ANKS1B: variants seen among roughly 807,000 people sequenced by gnomAD.
ANKS1B encodes ankyrin repeat and sterile alpha motif domain containing 1B.
In ANKS1B, 36 loss-of-function variants were observed where a neutral mutation model predicts 148.3. The observed-to-expected ratio is 0.24, with a 90% CI of 0.19 to 0.32. The LOEUF is 0.32. Ranked by LOEUF, ANKS1B falls within the 10% of genes least tolerant of loss-of-function variation. The probability of loss-of-function intolerance (pLI) is 1.00; values close to 1 mark genes in which losing one functional copy is unlikely to be tolerated. For synonymous variants in ANKS1B, 542 were observed against 560.8 expected, an observed-to-expected ratio of 0.97 and a Z score of 0.47; for missense variants, 1,157 against 1,542.6, an observed-to-expected ratio of 0.75 and a Z score of 4.19.
intron 1 of ANKS1B, among the ~76,000 whole-genome samples, chr12:99,881,008 G>T (rs1180831322): frequency 6.6e-6 from 1 of 152,220 alleles, no homozygotes. Context: ...ACAGCTATTT[G>T]AGGGCTCCAA....
intron 8 of ANKS1B, among the ~76,000 whole-genome samples, chr12:99,748,711 A>C (rs888776570): frequency 6.6e-6 from 1 of 152,116 alleles, no homozygotes; most frequent in Non-Finnish European, 1.5e-5. Flanking sequence ...CTCTGAAGAA[A>C]GATAAAACAG....
chr12:98,829,684 C>T lies in ANKS1B; in HGVS notation c.2887-331G>A, dbSNP rs2099278596. Among the ~76,000 whole-genome samples, 2 of 152,174 alleles carry T rather than the reference C, an allele frequency of 1.3e-5. No homozygotes were observed. Among genetic ancestry groups the T allele is most frequent in the Non-Finnish European group, 2.9e-5 (2 of 68,036 alleles). On this transcript the variant is annotated intron_variant, in intron 18 of 26. Transcript: ENST00000683438. This position sits in a 1 kb window ranked among gnomAD's most constrained non-coding sequence, Gnocchi z 5.2. ...GTTTACAGGGGAGGAACTGGGCCCT[C>T]ATGTGGGCAGAGCGTCCTCACCATG...
intron 1 of ANKS1B, among the ~76,000 whole-genome samples, chr12:99,944,395 T>C (rs2095002096): frequency 6.6e-6 from 1 of 152,170 alleles, no homozygotes; most frequent in African/African-American, 2.4e-5. Context: ...CCAGTGGCCC[T>C]TGGCCGTCAG....
chr12:99,141,555 A>G (rs1370856962), intron 15 of ANKS1B, among the ~76,000 whole-genome samples: 1 of 151,554 alleles, frequency 6.6e-6, no homozygotes, highest in African/African-American at 2.4e-5. Context: ...TACCTTAACT[A>G]TTCTTCCTGA....
chr12:98,816,877 G>A (rs1441023068), intron 19 of ANKS1B, among the ~76,000 whole-genome samples: 1 of 151,958 alleles, frequency 6.6e-6, no homozygotes, highest in Non-Finnish European at 1.5e-5. Flanking sequence ...ATTAAGCTCT[G>A]GAAAGCTTCT....
At chr12:99,444,725 TAA>T (rs1270633128) in intron 10 of ANKS1B, among the ~76,000 whole-genome samples, 1 of 151,922 alleles carries the variant, frequency 6.6e-6, no homozygotes, top group Non-Finnish European at 1.5e-5. Context: ...AAATAAAAAA[TAA>T]AAAGTTTACT....
chr12:99,690,001 C>T (rs2888436), intron 8 of ANKS1B, among the ~76,000 whole-genome samples: 6,928 of 152,116 alleles, frequency 0.046, 221 homozygotes, highest in Middle Eastern at 0.082. Context: ...CTCACAGTTC[C>T]CCATTGCTAG....
chr12:99,329,524 C>T (rs1273530710), intron 12 of ANKS1B, among the ~76,000 whole-genome samples: 1 of 151,764 alleles, frequency 6.6e-6, no homozygotes, highest in Admixed American at 6.6e-5. Context: ...AAGCCATTTT[C>T]CAGAAAGATC....
intron 8 of ANKS1B, among the ~76,000 whole-genome samples, chr12:99,746,471 C>T (rs905731352): frequency 2.0e-5 from 3 of 152,036 alleles, no homozygotes; most frequent in African/African-American, 7.2e-5. Context: ...AGTCATTTTC[C>T]CTCAAATATT....
At chr12:99,943,715 G>A (rs967176473) in intron 1 of ANKS1B, among the ~76,000 whole-genome samples, 3 of 151,856 alleles carry the variant, frequency 2.0e-5, no homozygotes. Context: ...CACAACATGC[G>A]GGGATTATGG....
intron 9 of ANKS1B, among the ~76,000 whole-genome samples, chr12:99,631,644 T>C (rs2098162162): frequency 6.6e-6 from 1 of 152,194 alleles, no homozygotes; most frequent in Admixed American, 6.5e-5. Context: ...GGCTGAACTA[T>C]GTTAATGCTG....
chr12:99,613,180 T>C (rs2097916801), intron 9 of ANKS1B, among the ~76,000 whole-genome samples: 1 of 152,070 alleles, frequency 6.6e-6, no homozygotes, highest in Non-Finnish European at 1.5e-5. Context: ...TCGACTATTA[T>C]TCAAAAGTCA....
At chr12:99,275,472 T>C (rs2077561687) in intron 12 of ANKS1B, among the ~76,000 whole-genome samples, 1 of 152,250 alleles carries the variant, frequency 6.6e-6, no homozygotes, top group Admixed American at 6.5e-5. Context: ...CTTATTTCAC[T>C]TAACATAACA....
chr12:99,413,692 G>A (rs889256344), intron 11 of ANKS1B, among the ~76,000 whole-genome samples: 3 of 152,042 alleles, frequency 2.0e-5, no homozygotes, highest in African/African-American at 7.2e-5. Context: ...TTTTTATATA[G>A]AGGTATCTGA....
chr12:98,861,756 G>C (rs990667856), intron 17 of ANKS1B, among the ~76,000 whole-genome samples: 4 of 152,162 alleles, frequency 2.6e-5, no homozygotes, highest in Non-Finnish European at 5.9e-5. Context: ...TAGAAAAAAA[G>C]ATTTTTAAGT....
intron 10 of ANKS1B, among the ~76,000 whole-genome samples, chr12:99,499,308 C>T (rs1356338463): frequency 6.6e-6 from 1 of 152,102 alleles, no homozygotes; most frequent in Non-Finnish European, 1.5e-5. Context: ...AAGCCTGGGT[C>T]AACTGAGCAA....
intron 1 of ANKS1B, among the ~76,000 whole-genome samples, chr12:99,853,333 T>C (rs1601914): frequency 0.62 from 94,168 of 151,966 alleles, 30,739 homozygotes; most frequent in African/African-American, 0.77. Context: ...GAGTCCGCTT[T>C]GCTCCCCTGC....
intron 12 of ANKS1B, among the ~76,000 whole-genome samples, chr12:99,360,072 T>G (rs2092349236): frequency 1.3e-5 from 2 of 152,128 alleles, no homozygotes; most frequent in South Asian, 4.1e-4. Context: ...ACTCTTAGCT[T>G]TTCTACTTTG....
intron 1 of ANKS1B, among the ~76,000 whole-genome samples, chr12:99,846,417 A>C (rs1274243503): frequency 2.0e-5 from 3 of 152,120 alleles, no homozygotes; most frequent in African/African-American, 7.2e-5. Context: ...TACTGACATC[A>C]ATAATTACAT....
Sources: gnomAD v4.1 joint callset for allele counts (sites outside exome capture counted in the v4.1 genomes callset) on GRCh38, gnomAD v4.1.1 for gene constraint, Gnocchi (gnomAD v3.1) non-coding constraint, MANE v1.5 for transcripts, NCBI Gene and HGNC (gene_info 2026-07-23, HGNC 2026-07-21) for gene names.